The following YWHAQ variants were observed in gnomAD, a reference collection of about 807,000 sequenced individuals.
The protein encoded by YWHAQ is tyrosine 3-monooxygenase/tryptophan 5-monooxygenase activation protein theta, also known as 14-3-3 protein theta.
Under a neutral mutation model 28.3 loss-of-function variants are expected in YWHAQ, and 6 were observed. The ratio of observed to expected loss-of-function variants is 0.21; its 90% CI spans 0.12 to 0.42. The LOEUF (loss-of-function observed/expected upper bound fraction) is 0.42. Among genes scored for constraint, YWHAQ ranks in the 10% least tolerant of loss-of-function variants. YWHAQ has a pLI of 1.00. For synonymous variants in YWHAQ, 143 were observed against 119.1 expected (o/e 1.20, Z -1.31); for missense variants, 201 against 305.6 (o/e 0.66, Z 2.55).
chr2:9,584,228 T>A lies in YWHAQ; in HGVS notation c.*1058A>T, dbSNP rs1201799757. The A allele has an allele frequency of 6.6e-6, 1 of 152,658 alleles. No individual in the cohort carries two copies. The highest frequency in any genetic ancestry group is 1.5e-5 in the Non-Finnish European group (1 of 68,040). 9.5% of individuals were successfully genotyped at this position (152,658 alleles called of 1,614,324 possible). A position where few individuals can be genotyped will look rare whatever the true frequency, so the allele number is the denominator to read the frequency against. Reference sequence around the variant, plus strand: ...GAAAGTAGTAAATTCACCTGTCCCTTAAAATATGGGTATGCAATTGTTACA... The same window carrying A: ...GAAAGTAGTAAATTCACCTGTCCCTAAAAATATGGGTATGCAATTGTTACA... On this transcript the variant is annotated 3_prime_UTR_variant, in exon 6 of 6. Transcript: ENST00000238081.
At position 9,630,645 on chromosome 2, in the gene YWHAQ, TCCCTCTCCCCCG is replaced by T; in HGVS notation, c.-82-123_-82-112del. ...TCCCGCACACGCGGCCGCTTGAATT[TCCCTCTCCCCCG>T]CCCCCTCCCCCGCTGGGCACCCGGG... is the stretch of plus-strand genomic sequence containing the variant. On this transcript the variant is annotated intron_variant, in intron 1 of 5. Coordinates refer to ENST00000238081, the MANE Select transcript of YWHAQ (RefSeq NM_006826.4). The surrounding 1 kb of genome is among the most constrained non-coding windows in gnomAD (Gnocchi z 5.6). 1.9e-6 allele frequency: 1 copy of T among 532,838 alleles called. No individual in the cohort carries two copies. The highest frequency in any genetic ancestry group is 2.7e-5 in the South Asian group (1 of 36,896). The allele number at this position is 532,838 out of a possible 1,614,324, so 33.0% of individuals were successfully genotyped here.
At chr2:9,617,665 G>A (rs974335920) in intron 2 of YWHAQ, among the ~76,000 whole-genome samples, 1 of 152,164 alleles carries the variant, frequency 6.6e-6, no homozygotes, top group South Asian at 2.1e-4. Context: ...AAGGTTAGGT[G>A]TGGTGGCTCA....
intron 2 of YWHAQ, among the ~76,000 whole-genome samples, chr2:9,628,217 G>A (rs1486590525): frequency 1.3e-5 from 2 of 152,158 alleles, no homozygotes; most frequent in Admixed American, 1.3e-4. Flanking sequence ...GCCATTTTAT[G>A]AATATTTCAT....
intron 2 of YWHAQ, among the ~76,000 whole-genome samples, chr2:9,614,086 A>G (rs1482359082): frequency 2.6e-5 from 4 of 152,204 alleles, no homozygotes; most frequent in Non-Finnish European, 5.9e-5. Flanking sequence ...CTCCTATGCT[A>G]TATCCCCACA....
chr2:9,611,677 CTCT>C (rs1666950472), intron 2 of YWHAQ, among the ~76,000 whole-genome samples: 1 of 152,122 alleles, frequency 6.6e-6, no homozygotes, highest in Non-Finnish European at 1.5e-5. Flanking sequence ...TGTTTCTATA[CTCT>C]TTTTTTGAGG....
intron 4 of YWHAQ, among the ~76,000 whole-genome samples, chr2:9,587,760 T>G (rs1666374305): frequency 6.6e-6 from 1 of 152,240 alleles, no homozygotes; most frequent in Non-Finnish European, 1.5e-5. Context: ...CAGCAATGCT[T>G]AACAGACTTC....
chr2:9,595,043 T>C (rs1666543414), intron 2 of YWHAQ, among the ~76,000 whole-genome samples: 2 of 152,248 alleles, frequency 1.3e-5, no homozygotes, highest in South Asian at 2.1e-4. Flanking sequence ...TGATTTACAG[T>C]GTTGGGCTTT....
rs562258459 is a variant in YWHAQ at position 9,607,269 on chromosome 2, C to T, written c.295-15754G>A. 4.2e-5 allele frequency among the ~76,000 whole-genome samples: 6 copies of T among 141,676 alleles called. No homozygotes were observed. The East Asian group carries it at 8.4e-4, about 20-fold the overall frequency. 92.9% of individuals were successfully genotyped at this position (141,676 alleles called of 152,430 possible). A position where few individuals can be genotyped will look rare whatever the true frequency, so the allele number is the denominator to read the frequency against. On this transcript the variant is annotated intron_variant, in intron 2 of 5. Coordinates refer to ENST00000238081, the MANE Select transcript of YWHAQ (RefSeq NM_006826.4). ...AGGCTGGAGTGCAGTGGTGTGATCTCGGCTCACTGCAACGTCCACCTCCCA... is the reference window on the plus strand; with the variant it reads ...AGGCTGGAGTGCAGTGGTGTGATCTTGGCTCACTGCAACGTCCACCTCCCA...
rs1427459989 is a variant in YWHAQ, at chr2:9,584,803, G to A, written c.*483C>T. ...TTTTCCATTCAATCTAATACTTCCG[G>A]ATTCCTACTAAAAAGGAATACATTA... On this transcript the variant is annotated 3_prime_UTR_variant, in exon 6 of 6. Coordinates refer to ENST00000238081, the MANE Select transcript of YWHAQ (RefSeq NM_006826.4). The A allele has an allele frequency of 6.4e-6, 1 of 156,790 alleles. No homozygotes were observed. The highest frequency in any genetic ancestry group is 2.4e-5 in the African/African-American group (1 of 41,462). 9.7% of individuals were successfully genotyped at this position (156,790 alleles called of 1,614,324 possible).
intron 2 of YWHAQ, among the ~76,000 whole-genome samples, chr2:9,595,397 A>G (rs1356841557): frequency 6.6e-6 from 1 of 152,124 alleles, no homozygotes; most frequent in Non-Finnish European, 1.5e-5. Context: ...ACTCCCTGAA[A>G]GTCTTTCCCA....
rs1667346888 is a variant in YWHAQ at position 9,630,478 on chromosome 2, C to CCGGGGG, written c.-27_-26insCCCCCG. 1 of 1,567,020 alleles carries CCGGGGG rather than the reference C, an allele frequency of 6.4e-7. No individual in the cohort carries two copies. Among genetic ancestry groups the CCGGGGG allele is most frequent in the Admixed American group, 1.8e-5 (1 of 56,872 alleles). ...GGCGGGCGCGGGGCCGGGGCCGGGG[C>CCGGGGG]GGAGGGCGAGGAGAGCGAGGGCGAG... On this transcript the variant is annotated 5_prime_UTR_variant, in exon 2 of 6. Coordinates refer to ENST00000238081, the MANE Select transcript of YWHAQ (RefSeq NM_006826.4). The surrounding 1 kb of genome is among the most constrained non-coding windows in gnomAD (Gnocchi z 5.6).
At chr2:9,588,388 A>C in intron 3 of YWHAQ, 60 bp from the exon 4 acceptor site, 1 of 1,550,988 alleles carries the variant, frequency 6.4e-7, no homozygotes, top group Non-Finnish European at 8.7e-7. Flanking sequence ...TACACAGTAC[A>C]TTAACAACTT....
At chr2:9,599,887 T>TA (rs368197491) in intron 2 of YWHAQ, among the ~76,000 whole-genome samples, 56 of 152,320 alleles carry the variant, frequency 3.7e-4, no homozygotes, top group African/African-American at 1.3e-3. Context: ...ATAGCTGTCA[T>TA]AGACAGTGGT....
intron 2 of YWHAQ, among the ~76,000 whole-genome samples, chr2:9,625,085 G>A (rs1049039269): frequency 6.6e-6 from 1 of 151,484 alleles, no homozygotes; most frequent in Non-Finnish European, 1.5e-5. Context: ...CCTTGGCTGG[G>A]GCACATCTCT....
chr2:9,627,539 G>C (rs907436572), intron 2 of YWHAQ, among the ~76,000 whole-genome samples: 1 of 152,108 alleles, frequency 6.6e-6, no homozygotes, highest in African/African-American at 2.4e-5. Context: ...ACGAATTCTA[G>C]ATGCTGCTAC....
chr2:9,588,389 T>G, intron 3 of YWHAQ, 61 bp from the exon 4 acceptor site: 2 of 1,550,182 alleles, frequency 1.3e-6, no homozygotes, highest in Middle Eastern at 1.7e-4. Context: ...ACACAGTACA[T>G]TAACAACTTG....
intron 2 of YWHAQ, among the ~76,000 whole-genome samples, chr2:9,625,167 CAGG>C (rs113272823): frequency 0.025 from 3,764 of 151,092 alleles, 114 homozygotes; most frequent in African/African-American, 0.071. Context: ...GAGGCTGAGG[CAGG>C]AGAATTGCTT....
rs34038792 is a variant in YWHAQ at position 9,624,595 on chromosome 2, A to C, written c.294+5564T>G. 4.3e-3 allele frequency among the ~76,000 whole-genome samples: 647 copies of C among 152,122 alleles called. 5 individuals carry two copies. The highest frequency in any genetic ancestry group is 0.015 in the African/African-American group (617 of 41,494). On this transcript the variant is annotated intron_variant, in intron 2 of 5. Transcript: ENST00000238081. The stretch of plus-strand genomic sequence containing the variant: ...TGTTTAGTAGCATTCAGGCCTCTCT[A>C]CCCACTAGACGTGAGCAGCACCTTC...
chr2:9,589,671 T>G (rs1666420080), intron 3 of YWHAQ, among the ~76,000 whole-genome samples: 1 of 152,212 alleles, frequency 6.6e-6, no homozygotes, highest in African/African-American at 2.4e-5. Flanking sequence ...CCAAAATCTC[T>G]ATTTTTCTGA....
Sources: gnomAD v4.1 joint callset for allele counts (sites outside exome capture counted in the v4.1 genomes callset) on GRCh38, gnomAD v4.1.1 for gene constraint, Gnocchi (gnomAD v3.1) non-coding constraint, MANE v1.5 for transcripts, NCBI Gene and HGNC (gene_info 2026-07-23, HGNC 2026-07-21) for gene names.